The following SLC38A11 variants were observed in gnomAD, a reference collection of about 807,000 sequenced individuals.
SLC38A11 encodes the protein putative sodium-coupled neutral amino acid transporter 11.
A neutral mutation model predicts 49.4 loss-of-function variants in SLC38A11; 51 were observed. The ratio of observed to expected loss-of-function variants is 1.03; its 90% CI spans 0.83 to 1.30. The LOEUF (loss-of-function observed/expected upper bound fraction) is 1.30. Among genes scored for constraint, SLC38A11 ranks in the 50% most tolerant of loss-of-function variants. SLC38A11 has a pLI of 0.00. For synonymous variants in SLC38A11, 203 were observed against 192.9 expected (o/e 1.05, Z -0.43); for missense variants, 574 against 556.2 (o/e 1.03, Z -0.32).
At position 164,955,252 on chromosome 2, in the gene SLC38A11, G is replaced by A. The variant is rs1258523647; in HGVS notation, c.-5C>T. The stretch of plus-strand genomic sequence containing the variant: ...CTCCTGCCTCTGGTAGCCCATGGCT[G>A]AGCGGTGGTCCTCAGCAGGTGGAAG... On this transcript the variant is annotated 5_prime_UTR_variant, in exon 1 of 12. Coordinates refer to ENST00000685975, the MANE Select transcript of SLC38A11 (RefSeq NM_001351537.2). 2.6e-6 allele frequency: 4 copies of A among 1,550,358 alleles called. No homozygotes were observed. In the African/African-American group the frequency reaches 5.5e-5, roughly 21 times the overall value.
chr2:164,947,117 C>CTCTTTTTT, intron 3 of SLC38A11, among the ~76,000 whole-genome samples: 1 of 72,904 alleles, frequency 1.4e-5, no homozygotes, highest in African/African-American at 7.7e-5. Flanking sequence ...TTTTTTATCT[C>CTCTTTTTT]TTTTTTTTTT....
Position 164,937,340 on chromosome 2 carries a change from C to G in SLC38A11, c.617+10G>C. ...AATCAAAGACTGACAAATATAACAA[C>G]ATAACTTACATGTGTGGACCCAGTG... On this transcript the variant is annotated intron_variant, in intron 7 of 11. Coordinates refer to ENST00000685975, the MANE Select transcript of SLC38A11 (RefSeq NM_001351537.2). 1 of 1,577,662 alleles carries G rather than the reference C, an allele frequency of 6.3e-7. No individual in the cohort carries two copies. The highest frequency in any genetic ancestry group is 8.7e-7 in the Non-Finnish European group (1 of 1,147,986).
rs1688605495 is a variant in SLC38A11, at chr2:164,952,700, A to AT, written c.229+6dup. The AT allele has an allele frequency of 6.3e-7, 1 of 1,589,474 alleles. No homozygotes were observed. The highest frequency in any genetic ancestry group is 8.6e-7 in the Non-Finnish European group (1 of 1,158,454). On this transcript the variant is annotated splice_region_variant and intron_variant, in intron 3 of 11. Transcript: ENST00000685975. ...TTGCAGAAATAAGAAATTATATAGT[A>AT]TTTTACCTGTAACATATGAAACCCA...
intron 7 of SLC38A11, among the ~76,000 whole-genome samples, chr2:164,925,163 C>T (rs1349423340): frequency 6.6e-6 from 1 of 152,164 alleles, no homozygotes; most frequent in African/African-American, 2.4e-5. Flanking sequence ...AATTCTTATT[C>T]TGTCACCTAC....
chr2:164,945,701 C>A lies in SLC38A11; in HGVS notation c.256G>T (p.Gly86Ter). The change falls in exon 4 of 12, where the codon GGA becomes TGA. Residue 86 changes from glycine to a stop codon, truncating the protein, a stop_gained. Coordinates refer to ENST00000685975, the MANE Select transcript of SLC38A11 (RefSeq NM_001351537.2). LOFTEE classifies it high-confidence loss of function. ...TDFSLVLLIK[G>*]GALSGTDTYQ... The stretch of plus-strand genomic sequence containing the variant: ...GTATCTGTTCCAGAGAGGGCCCCTC[C>A]TTTTATCAATAAAACAAGGGAAAAG... The A allele has an allele frequency of 3.1e-6, 5 of 1,605,684 alleles. No homozygotes were observed. The highest frequency in any genetic ancestry group is 4.2e-6 in the Non-Finnish European group (5 of 1,178,146).
chr2:164,911,100 G>T (rs576859894), intron 10 of SLC38A11, among the ~76,000 whole-genome samples: 2 of 151,912 alleles, frequency 1.3e-5, no homozygotes, highest in African/African-American at 4.8e-5. Context: ...TAAATAAAAT[G>T]TATCTGTAAA....
At chr2:164,915,315 G>C in intron 8 of SLC38A11, 42 bp from the exon 9 acceptor site, 3 of 1,537,434 alleles carry the variant, frequency 2.0e-6, no homozygotes, top group Non-Finnish European at 2.6e-6. Flanking sequence ...TCAAGCACCA[G>C]GGTTTTCTTT....
chr2:164,949,744 A>G (rs1238478036), intron 3 of SLC38A11, among the ~76,000 whole-genome samples: 1 of 152,208 alleles, frequency 6.6e-6, no homozygotes, highest in African/African-American at 2.4e-5. Flanking sequence ...CAATGGGAAG[A>G]TGGTGTGAAA....
chr2:164,941,528 G>T (rs1687765770), intron 5 of SLC38A11, among the ~76,000 whole-genome samples: 1 of 152,132 alleles, frequency 6.6e-6, no homozygotes, highest in Non-Finnish European at 1.5e-5. Context: ...TAAGAATAAA[G>T]TTGTGTTCTT....
chr2:164,948,251 A>G (rs980051159), intron 3 of SLC38A11, among the ~76,000 whole-genome samples: 1 of 152,182 alleles, frequency 6.6e-6, no homozygotes, highest in Non-Finnish European at 1.5e-5. Flanking sequence ...CTTATTTTTG[A>G]CAAGCTGCAC....
At chr2:164,899,021 G>A (rs752148697) in intron 11 of SLC38A11, among the ~76,000 whole-genome samples, 17 of 152,112 alleles carry the variant, frequency 1.1e-4, no homozygotes, top group South Asian at 2.1e-4. Context: ...TAATAGGACT[G>A]ACTTCTGGCA....
At chr2:164,916,631 C>T (rs923936876) in intron 7 of SLC38A11, among the ~76,000 whole-genome samples, 8 of 152,126 alleles carry the variant, frequency 5.3e-5, no homozygotes, top group Admixed American at 6.6e-5. Flanking sequence ...GGTTTATTCA[C>T]TCCCATGTTT....
intron 11 of SLC38A11, among the ~76,000 whole-genome samples, chr2:164,900,450 C>G (rs970916043): frequency 6.6e-6 from 1 of 152,078 alleles, no homozygotes; most frequent in Non-Finnish European, 1.5e-5. Context: ...CTCCACACTT[C>G]TGTCAACATT....
chr2:164,937,740 ATAAAAG>A (rs1246086451), intron 6 of SLC38A11: 1 of 186,802 alleles, frequency 5.4e-6, no homozygotes, highest in African/African-American at 2.4e-5. Flanking sequence ...ATTTTAGCTT[ATAAAAG>A]TAAAAGTGAA....
At chr2:164,903,267 A>G (rs911463822) in intron 11 of SLC38A11, among the ~76,000 whole-genome samples, 6 of 152,120 alleles carry the variant, frequency 3.9e-5, no homozygotes, top group African/African-American at 1.4e-4. Flanking sequence ...TTCATCTGGA[A>G]CTGCAGATTG....
chr2:164,907,355 C>T (rs1685089032), intron 11 of SLC38A11, among the ~76,000 whole-genome samples: 1 of 140,094 alleles, frequency 7.1e-6, no homozygotes, highest in Admixed American at 7.7e-5. Flanking sequence ...CTCACTGAAA[C>T]CTCTACCTCC....
chr2:164,898,736 T>G lies in SLC38A11; in HGVS notation c.1096-6A>C. ...GGAGTTGCACAGAGCACACCCTGCA[T>G]GTTGAAAACAAGAAACAAGATAATG... On this transcript the variant is annotated splice_region_variant and splice_polypyrimidine_tract_variant and intron_variant, in intron 11 of 11. Transcript: ENST00000685975. 6.3e-7 allele frequency: 1 copy of G among 1,598,560 alleles called. No individual in the cohort carries two copies. The highest frequency in any genetic ancestry group is 8.5e-7 in the Non-Finnish European group (1 of 1,170,558).
chr2:164,943,473 T>C (rs1181791667), intron 5 of SLC38A11, among the ~76,000 whole-genome samples: 4 of 152,172 alleles, frequency 2.6e-5, no homozygotes, highest in Non-Finnish European at 5.9e-5. Context: ...TGCACCTTTC[T>C]AAACAAAAGA....
At chr2:164,930,057 C>T (rs1435253578) in intron 7 of SLC38A11, among the ~76,000 whole-genome samples, 7 of 151,202 alleles carry the variant, frequency 4.6e-5, no homozygotes, top group East Asian at 1.9e-4. Context: ...TAATTAAAAA[C>T]GACAAGGGGA....
Sources: gnomAD v4.1 joint callset for allele counts (sites outside exome capture counted in the v4.1 genomes callset) on GRCh38, gnomAD v4.1.1 for gene constraint, MANE v1.5 for transcripts, NCBI Gene and HGNC (gene_info 2026-07-23, HGNC 2026-07-21) for gene names.